Variants in MBTD1 observed in about 807,000 individuals in gnomAD.
MBTD1 encodes MBT domain-containing protein 1.
In MBTD1, 24 loss-of-function variants were observed where a neutral mutation model predicts 87.8. The observed-to-expected ratio is 0.27, with a 90% CI of 0.20 to 0.38. The LOEUF (loss-of-function observed/expected upper bound fraction) is 0.38. MBTD1 is among the 10% of genes least tolerant of loss of function. MBTD1 has a pLI of 1.00. For synonymous variants in MBTD1, 237 were observed against 248.6 expected (o/e 0.95, Z 0.44); for missense variants, 436 against 760.2 (o/e 0.57, Z 5.02).
At chr17:51,224,570 A>G (rs1250068929) in intron 3 of MBTD1, among the ~76,000 whole-genome samples, 1 of 152,202 alleles carries the variant, frequency 6.6e-6, no homozygotes, top group Non-Finnish European at 1.5e-5. Flanking sequence ...TTCTTTTTCA[A>G]GCCAGATTTT....
chr17:51,196,945 A>G (rs2051142552), intron 12 of MBTD1, among the ~76,000 whole-genome samples: 1 of 150,590 alleles, frequency 6.6e-6, no homozygotes, highest in Non-Finnish European at 1.5e-5. Context: ...ATAGAGTAGT[A>G]GAATAAACTC....
At chr17:51,260,878 C>G (rs971941776), upstream of MBTD1, 1 of 1,600,990 alleles carries the variant, frequency 6.2e-7, no homozygotes. Context: ...TCTTCGGCGA[C>G]GTCGAGAACG....
chr17:51,191,080 G>T (rs2050785141), intron 16 of MBTD1, among the ~76,000 whole-genome samples: 1 of 151,714 alleles, frequency 6.6e-6, no homozygotes, highest in African/African-American at 2.4e-5. Flanking sequence ...ACAAAGTAAG[G>T]CCTTGTCTCA....
intron 2 of MBTD1, among the ~76,000 whole-genome samples, chr17:51,243,290 CT>C (rs112156225): frequency 0.4 from 58,326 of 145,410 alleles, 12,625 homozygotes; most frequent in East Asian, 0.6. Flanking sequence ...TTGTCACTGT[CT>C]TTTTTTTTTT....
At chr17:51,223,428 T>C (rs1010532401) in intron 3 of MBTD1, among the ~76,000 whole-genome samples, 43 of 151,764 alleles carry the variant, frequency 2.8e-4, no homozygotes, top group African/African-American at 9.9e-4. Flanking sequence ...ACCAGCTACT[T>C]GGGAGGATGA....
intron 16 of MBTD1, among the ~76,000 whole-genome samples, chr17:51,188,915 C>T (rs899641079): frequency 2.0e-5 from 3 of 152,040 alleles, no homozygotes; most frequent in African/African-American, 2.4e-5. Flanking sequence ...TGCGCCACCA[C>T]GCCTGGCTAA....
At chr17:51,256,744 G>GT (rs1391791295) in intron 2 of MBTD1, 6 of 152,080 alleles carry the variant, frequency 3.9e-5, no homozygotes, top group African/African-American at 1.4e-4. Context: ...AGTGGCTACC[G>GT]TAACTGGACA....
intron 4 of MBTD1, among the ~76,000 whole-genome samples, 180 bp from the exon 5 acceptor site, chr17:51,219,224 T>C (rs941188491): frequency 2.0e-5 from 3 of 152,166 alleles, no homozygotes; most frequent in Non-Finnish European, 4.4e-5. Context: ...TCTGCTACAA[T>C]GTAGTTATCT....
rs892446788 is a variant in MBTD1 at position 51,177,525 on chromosome 17, T to C, written c.*3051A>G. On this transcript the variant is annotated 3_prime_UTR_variant, in exon 17 of 17. Coordinates refer to ENST00000586178, the MANE Select transcript of MBTD1 (RefSeq NM_017643.3). ...ATTTTAATGCTTTTCACATCCATGC[T>C]GAAAATTTGCAATTTGGTAAAAATG... The C allele has an allele frequency of 1.3e-5, 2 of 152,254 alleles. No individual in the cohort carries two copies. Among genetic ancestry groups the C allele is most frequent in the African/African-American group, 4.8e-5 (2 of 41,466 alleles). 9.4% of individuals were successfully genotyped at this position (152,254 alleles called of 1,614,324 possible). A position where few individuals can be genotyped will look rare whatever the true frequency, so the allele number is the denominator to read the frequency against.
chr17:51,258,663 T>C (rs899196735), intron 2 of MBTD1, among the ~76,000 whole-genome samples: 1 of 152,272 alleles, frequency 6.6e-6, no homozygotes, highest in East Asian at 1.9e-4. Flanking sequence ...TAGACATCCT[T>C]AGAAGTGATT....
chr17:51,206,707 T>C (rs1331798867), intron 7 of MBTD1, among the ~76,000 whole-genome samples, 181 bp downstream of exon 7: 2 of 152,200 alleles, frequency 1.3e-5, no homozygotes, highest in Non-Finnish European at 2.9e-5. Flanking sequence ...AGAGATCATA[T>C]GGCCTGCAAA....
At chr17:51,226,732 T>C (rs1269617439) in intron 2 of MBTD1, among the ~76,000 whole-genome samples, 2 of 151,002 alleles carry the variant, frequency 1.3e-5, no homozygotes, top group Admixed American at 1.3e-4. Flanking sequence ...CCCAGGCTCA[T>C]GTGATTCTTG....
At chr17:51,248,444 A>G (rs531260046) in intron 2 of MBTD1, among the ~76,000 whole-genome samples, 107 of 152,250 alleles carry the variant, frequency 7.0e-4, no homozygotes, top group African/African-American at 2.5e-3. Flanking sequence ...CCTTTTACCC[A>G]TTAAACTTTT....
chr17:51,191,583 A>AT (rs11300283), intron 16 of MBTD1: 3,184 of 139,508 alleles, frequency 0.023, 74 homozygotes, highest in Non-Finnish European at 0.025. Context: ...GCATCTGCTA[A>AT]TTTTTTTTTT....
chr17:51,192,207 C>T lies in MBTD1; in HGVS notation c.1764G>A (p.Lys588=), dbSNP rs1379744350. The T allele has an allele frequency of 3.2e-6, 5 of 1,550,610 alleles. No homozygotes were observed. The highest frequency in any genetic ancestry group is 1.4e-5 in the African/African-American group (1 of 73,136). Residue 588 remains lysine (K), a synonymous_variant, in exon 16 of 17, where the codon AAG becomes AAA. Transcript: ENST00000586178. ...GAACACCACGTGGTGACCCACTTTT[C>T]TTATGTCCTTTGTATTGCTGGGACT... is the stretch of plus-strand genomic sequence containing the variant. ...KAKSQQYKGH[K]KMTTLQLKEE...
chr17:51,260,142 G>T (rs758503780), upstream of MBTD1: 3 of 365,194 alleles, frequency 8.2e-6, no homozygotes, highest in African/African-American at 2.1e-5. Flanking sequence ...CTTCCACCGT[G>T]GGACCCTCTG....
chr17:51,192,681 A>C (rs1359625155), intron 15 of MBTD1, 101 bp downstream of exon 15: 5 of 1,553,360 alleles, frequency 3.2e-6, no homozygotes, highest in East Asian at 2.3e-5. Context: ...AGACATAGGT[A>C]TATTCTTGTC....
chr17:51,203,097 G>GT (rs748481365), intron 9 of MBTD1, 43 bp downstream of exon 9: 2 of 1,475,566 alleles, frequency 1.4e-6, no homozygotes, highest in South Asian at 1.2e-5. Flanking sequence ...TGTTACCCTT[G>GT]TTTTTTAGAG....
chr17:51,206,557 G>A (rs1344795732), intron 7 of MBTD1, among the ~76,000 whole-genome samples: 1 of 152,086 alleles, frequency 6.6e-6, no homozygotes, highest in Non-Finnish European at 1.5e-5. Flanking sequence ...AGAAAAAAAG[G>A]ATATTTCATG....
Sources: gnomAD v4.1 joint callset for allele counts (sites outside exome capture counted in the v4.1 genomes callset) on GRCh38, gnomAD v4.1.1 for gene constraint, MANE v1.5 for transcripts, NCBI Gene and HGNC (gene_info 2026-07-23, HGNC 2026-07-21) for gene names.